The following ODF2L variants were observed in gnomAD, a reference collection of about 807,000 sequenced individuals.
The protein encoded by ODF2L is protein BCAP.
In ODF2L, 76 loss-of-function variants were observed where a neutral mutation model predicts 86.3. The observed-to-expected ratio is 0.88, with a 90% CI of 0.73 to 1.07. The LOEUF (loss-of-function observed/expected upper bound fraction) is 1.07, where lower values mean the gene tolerates loss of function less well. Ranked by LOEUF, ODF2L falls within the 50% of genes least tolerant of loss-of-function variation. The pLI is 0.00. For synonymous variants in ODF2L, 241 were observed against 231.3 expected, an observed-to-expected ratio of 1.04 and a Z score of -0.38; for missense variants, 748 against 717.4, an observed-to-expected ratio of 1.04 and a Z score of -0.49.
intron 1 of ODF2L, among the ~76,000 whole-genome samples, chr1:86,393,379 T>C (rs1335480012): frequency 7.4e-6 from 1 of 134,932 alleles, no homozygotes; most frequent in Non-Finnish European, 1.7e-5. Context: ...GAGAGGTAAT[T>C]GTATGAAAAA....
At chr1:86,363,593 C>T (rs763955702) in intron 11 of ODF2L, among the ~76,000 whole-genome samples, 1 of 150,922 alleles carries the variant, frequency 6.6e-6, no homozygotes, top group Non-Finnish European at 1.5e-5. Flanking sequence ...AACAGATAAG[C>T]AAAAAAGACT....
intron 8 of ODF2L, chr1:86,374,829 G>A (rs760945862): frequency 6.6e-6 from 1 of 151,904 alleles, no homozygotes; most frequent in South Asian, 2.1e-4. Context: ...GTGTAGATAT[G>A]TGATAACATT....
intron 7 of ODF2L, among the ~76,000 whole-genome samples, chr1:86,378,238 C>T (rs2101139946): frequency 6.6e-6 from 1 of 152,238 alleles, no homozygotes; most frequent in Non-Finnish European, 1.5e-5. Flanking sequence ...ACCTTTATTC[C>T]AGTTCCCAAG....
chr1:86,386,194 A>C (rs1375116953), intron 2 of ODF2L: 1 of 152,240 alleles, frequency 6.6e-6, no homozygotes, highest in Admixed American at 6.5e-5. Context: ...GCAATATTTC[A>C]TGTAAATAAC....
In ODF2L at chr1:86,358,783, G is replaced by A. The variant is rs1288180210; in HGVS notation, c.1359+4C>T. On this transcript the variant is annotated splice_donor_region_variant and intron_variant, in intron 13 of 17. Transcript: ENST00000317336. ...ATATTATTTATTTGAAATTCCAAAC[G>A]TACCTTCTCTACATTTTTATTTTTG... 2.7e-5 allele frequency: 31 copies of A among 1,131,074 alleles called. No individual in the cohort carries two copies. The East Asian group carries it at 6.1e-4, about 22-fold the overall frequency. 70.1% of individuals were successfully genotyped at this position (1,131,074 alleles called of 1,614,324 possible). A position where few individuals can be genotyped will look rare whatever the true frequency, so the allele number is the denominator to read the frequency against.
At chr1:86,368,426 A>G (rs1659587896) in intron 11 of ODF2L, among the ~76,000 whole-genome samples, 2 of 152,286 alleles carry the variant, frequency 1.3e-5, no homozygotes, top group South Asian at 4.1e-4. Context: ...GGAGTATAAT[A>G]TATAATTTAC....
chr1:86,382,389 A>C, intron 6 of ODF2L, 31 bp from the exon 7 acceptor site: 20 of 1,606,308 alleles, frequency 1.2e-5, no homozygotes, highest in Non-Finnish European at 1.7e-5. Context: ...AAACCAAAAA[A>C]ATCCATATTA....
chr1:86,382,446 G>C (rs1660654569), intron 6 of ODF2L, 88 bp from the exon 7 acceptor site: 2 of 1,561,124 alleles, frequency 1.3e-6, no homozygotes, highest in South Asian at 2.4e-5. Flanking sequence ...CCTGATTTAG[G>C]CACAATCTAA....
chr1:86,384,761 T>A, exon 4 of ODF2L: 1 of 1,527,606 alleles, frequency 6.5e-7, no homozygotes, highest in Non-Finnish European at 8.8e-7. Context: ...TAATATTTCC[T>A]TCTGTTCAGA....
chr1:86,351,310 T>C (rs985114857), exon 18 of ODF2L: 8 of 152,214 alleles, frequency 5.3e-5, no homozygotes, highest in African/African-American at 1.9e-4. Context: ...TTTCTGCATA[T>C]GGCTAGCCAG....
At chr1:86,378,099 G>C (rs1660303153) in intron 7 of ODF2L, among the ~76,000 whole-genome samples, 1 of 152,144 alleles carries the variant, frequency 6.6e-6, no homozygotes, top group South Asian at 2.1e-4. Context: ...GTCATATCTT[G>C]AATGTTTTTC....
At chr1:86,361,929 C>T (rs1659065233) in intron 11 of ODF2L, among the ~76,000 whole-genome samples, 1 of 152,040 alleles carries the variant, frequency 6.6e-6, no homozygotes, top group Non-Finnish European at 1.5e-5. Context: ...GGCAGACAGA[C>T]AAAAAATAAG....
At chr1:86,354,823 G>T in exon 15 of ODF2L, 1 of 1,606,736 alleles carries the variant, frequency 6.2e-7, no homozygotes, top group Non-Finnish European at 8.5e-7. Flanking sequence ...TCCTCTTCCA[G>T]AGAAAGCTTT....
chr1:86,374,613 T>C (rs1329313457), intron 8 of ODF2L, among the ~76,000 whole-genome samples: 1 of 152,196 alleles, frequency 6.6e-6, no homozygotes, highest in East Asian at 1.9e-4. Flanking sequence ...TGGTCTCTCG[T>C]ACTTTCCAAA....
At chr1:86,384,838 C>A in intron 3 of ODF2L, 37 bp from the exon 4 acceptor site, 2 of 1,443,252 alleles carry the variant, frequency 1.4e-6, no homozygotes, top group Non-Finnish European at 1.8e-6. Context: ...CATTTTAAGA[C>A]ACAGCATTAA....
At chr1:86,381,748 A>T (rs568068541) in intron 7 of ODF2L, among the ~76,000 whole-genome samples, 18 of 152,144 alleles carry the variant, frequency 1.2e-4, no homozygotes, top group Non-Finnish European at 2.5e-4. Context: ...TTGTTTAATA[A>T]GGGAATTACT....
chr1:86,384,799 C>A, exon 4 of ODF2L: 4 of 1,492,876 alleles, frequency 2.7e-6, no homozygotes, highest in Non-Finnish European at 2.7e-6. Context: ...CAGAAAGATT[C>A]GCCTGACAAA....
chr1:86,352,309 C>A (rs1194188793), intron 17 of ODF2L: 5 of 1,308,856 alleles, frequency 3.8e-6, no homozygotes, highest in Non-Finnish European at 3.0e-6. Flanking sequence ...ATATTCTATG[C>A]CAATTGACTG....
intron 1 of ODF2L, among the ~76,000 whole-genome samples, chr1:86,395,143 C>T (rs1021545111): frequency 5.9e-5 from 9 of 152,154 alleles, no homozygotes; most frequent in African/African-American, 1.9e-4. Context: ...GCGCCCGGCC[C>T]GGTTTGTTTC....
Sources: allele counts gnomAD v4.1 joint callset (sites outside exome capture counted in the v4.1 genomes callset), GRCh38; gene constraint gnomAD v4.1.1; transcripts MANE v1.5; gene names NCBI Gene and HGNC (gene_info 2026-07-23, HGNC 2026-07-21).